Variants in LRP1B observed in about 807,000 individuals in gnomAD.
LRP1B encodes the protein LDL receptor related protein 1B.
A neutral mutation model predicts 556.6 loss-of-function variants in LRP1B; 217 were observed. That is an observed-to-expected ratio of 0.39 (90% CI 0.35 to 0.44). The LOEUF is 0.44. LRP1B is among the 20% of genes least tolerant of loss of function. LRP1B has a pLI of 1.00. For missense variants in LRP1B, 5,053 were observed against 5,620.8 expected (o/e 0.90, Z 3.23); for synonymous variants, 2,047 against 1,865.8 (o/e 1.10, Z -2.50).
At chr2:141,986,728 A>C (rs932315252) in intron 1 of LRP1B, among the ~76,000 whole-genome samples, 1 of 151,988 alleles carries the variant, frequency 6.6e-6, no homozygotes, top group African/African-American at 2.4e-5. Flanking sequence ...AGATGTAAAT[A>C]GGAATGGAAT....
At chr2:141,005,189 A>C in intron 15 of LRP1B, 146 bp downstream of exon 15, 1 of 896,984 alleles carries the variant, frequency 1.1e-6, no homozygotes, top group South Asian at 2.2e-5. Context: ...TAATCAGTTA[A>C]TAATTTATAG....
chr2:142,121,977 C>A (rs1039664618), intron 1 of LRP1B, among the ~76,000 whole-genome samples: 1 of 152,080 alleles, frequency 6.6e-6, no homozygotes, highest in Non-Finnish European at 1.5e-5. Context: ...TCATATTAAG[C>A]AATTAATATA....
At chr2:141,315,553 C>T (rs182526277) in intron 3 of LRP1B, among the ~76,000 whole-genome samples, 27 of 151,438 alleles carry the variant, frequency 1.8e-4, no homozygotes, top group African/African-American at 6.5e-4. Flanking sequence ...GCCACCACGC[C>T]CGGCCGAATG....
chr2:140,699,090 G>A (rs1443003567), intron 41 of LRP1B, among the ~76,000 whole-genome samples: 2 of 152,014 alleles, frequency 1.3e-5, no homozygotes, highest in Non-Finnish European at 2.9e-5. Flanking sequence ...TTACCTTGAA[G>A]TGACACACTC....
chr2:141,388,360 C>T (rs947309497), intron 3 of LRP1B, among the ~76,000 whole-genome samples: 2 of 152,088 alleles, frequency 1.3e-5, no homozygotes, highest in Admixed American at 1.3e-4. Context: ...CGCTTGAACC[C>T]GTGAGGCAGA....
At chr2:141,115,018 T>C (rs1232248263) in intron 7 of LRP1B, among the ~76,000 whole-genome samples, 1 of 152,110 alleles carries the variant, frequency 6.6e-6, no homozygotes. Context: ...AAAACAAACA[T>C]GACGGAAAGT....
At chr2:140,391,417 T>C (rs750678678) in intron 66 of LRP1B, among the ~76,000 whole-genome samples, 7 of 152,262 alleles carry the variant, frequency 4.6e-5, no homozygotes, top group Non-Finnish European at 7.4e-5. Context: ...GGGAAGTATC[T>C]GGGTAGAAGA....
chr2:140,363,331 G>A (rs942913477), intron 72 of LRP1B, among the ~76,000 whole-genome samples: 1 of 151,536 alleles, frequency 6.6e-6, no homozygotes, highest in African/African-American at 2.4e-5. Context: ...CATCTGTGCT[G>A]TGTGGAATGC....
intron 1 of LRP1B, among the ~76,000 whole-genome samples, chr2:141,900,679 C>T (rs1699591333): frequency 6.6e-6 from 1 of 151,940 alleles, no homozygotes; most frequent in African/African-American, 2.4e-5. Flanking sequence ...TCCAAAATCA[C>T]TTAGCAAATT....
intron 20 of LRP1B, 56 bp from the exon 21 acceptor site, chr2:140,923,203 A>G (rs2105259227): frequency 7.4e-7 from 1 of 1,348,142 alleles, no homozygotes. Flanking sequence ...GAGAGAAATT[A>G]TGATTTTACT....
intron 1 of LRP1B, among the ~76,000 whole-genome samples, chr2:141,867,197 C>G (rs957968512): frequency 3.3e-5 from 5 of 151,924 alleles, no homozygotes; most frequent in Non-Finnish European, 2.9e-5. Flanking sequence ...AGACCCAGTG[C>G]CTGCAATACT....
At chr2:140,804,646 C>G (rs1321632934) in intron 32 of LRP1B, among the ~76,000 whole-genome samples, 5 of 87,146 alleles carry the variant, frequency 5.7e-5, no homozygotes, top group African/African-American at 1.9e-4. Flanking sequence ...TAGGTAAAAA[C>G]TAATTTTTTT....
At chr2:140,289,363 CA>C (rs1683283450) in intron 84 of LRP1B, among the ~76,000 whole-genome samples, 1 of 151,894 alleles carries the variant, frequency 6.6e-6, no homozygotes, top group Non-Finnish European at 1.5e-5. Flanking sequence ...CAAAGTTATA[CA>C]AGCCAAGTGT....
At chr2:141,843,453 T>G (rs879672450) in intron 1 of LRP1B, among the ~76,000 whole-genome samples, 3 of 152,162 alleles carry the variant, frequency 2.0e-5, no homozygotes, top group Non-Finnish European at 4.4e-5. Context: ...TTTCTACATT[T>G]TAATTAAATG....
intron 18 of LRP1B, among the ~76,000 whole-genome samples, chr2:140,956,541 A>C (rs768775340): frequency 3.6e-4 from 55 of 151,748 alleles, no homozygotes; most frequent in Non-Finnish European, 7.2e-4. Context: ...AGATTCACTG[A>C]GAAAATACAT....
At chr2:141,555,024 G>T (rs957905865) in intron 2 of LRP1B, among the ~76,000 whole-genome samples, 14 of 151,968 alleles carry the variant, frequency 9.2e-5, no homozygotes, top group African/African-American at 3.4e-4. Context: ...GTCCCAGAAT[G>T]AAGACATAAA....
rs545304903 is a variant in LRP1B at position 141,235,331 on chromosome 2, G to C, written c.593-5891C>G. On this transcript the variant is annotated intron_variant, in intron 5 of 90. Coordinates refer to ENST00000389484, the MANE Select transcript of LRP1B (RefSeq NM_018557.3). ...GATCAGTAAGACAGTCCGCCTTCAAGAACGATACAATCAAGTAGAAAGTTT... is the reference window on the plus strand; with the variant it reads ...GATCAGTAAGACAGTCCGCCTTCAACAACGATACAATCAAGTAGAAAGTTT... Among the ~76,000 whole-genome samples, 330 of 152,014 alleles carry C rather than the reference G, an allele frequency of 2.2e-3. 2 individuals carry two copies. Among genetic ancestry groups the C allele is most frequent in the Non-Finnish European group, 3.5e-3 (240 of 68,000 alleles).
At chr2:141,345,165 AG>A (rs1396525930) in intron 3 of LRP1B, among the ~76,000 whole-genome samples, 1 of 150,688 alleles carries the variant, frequency 6.6e-6, no homozygotes, top group Non-Finnish European at 1.5e-5. Context: ...TTTAGAAGCC[AG>A]GAAAAAAAAA....
intron 18 of LRP1B, among the ~76,000 whole-genome samples, chr2:140,962,541 GCTT>G (rs1361462887): frequency 5.3e-5 from 8 of 152,176 alleles, no homozygotes; most frequent in African/African-American, 1.7e-4. Flanking sequence ...GTGTTCTGTA[GCTT>G]CTTCTCTGAA....
Sources: allele counts gnomAD v4.1 joint callset (sites outside exome capture counted in the v4.1 genomes callset), GRCh38; gene constraint gnomAD v4.1.1; transcripts MANE v1.5; gene names NCBI Gene and HGNC (gene_info 2026-07-23, HGNC 2026-07-21).